The following PTPRD variants were observed in gnomAD, a reference collection of about 807,000 sequenced individuals.
PTPRD encodes the protein protein tyrosine phosphatase receptor type D.
PTPRD carries 34 observed loss-of-function variants against 214.5 expected under a neutral mutation model. That is an observed-to-expected ratio of 0.16 (90% CI 0.12 to 0.21). The LOEUF is 0.21. Among genes scored for constraint, PTPRD ranks in the 10% least tolerant of loss-of-function variants. The pLI, the probability that PTPRD is intolerant of heterozygous loss-of-function variation, is 1.00. For synonymous variants in PTPRD, 1,128 were observed against 845.7 expected, an observed-to-expected ratio of 1.33 and a Z score of -5.79; for missense variants, 2,545 against 2,398.7, an observed-to-expected ratio of 1.06 and a Z score of -1.27.
chr9:9,336,432 C>T (rs2044509911), intron 9 of PTPRD, among the ~76,000 whole-genome samples: 1 of 152,142 alleles, frequency 6.6e-6, no homozygotes. Context: ...CCTGACGTCG[C>T]ACAGTGATCT....
At chr9:8,509,939 A>G (rs28380514) in intron 21 of PTPRD, among the ~76,000 whole-genome samples, 6,159 of 152,078 alleles carry the variant, frequency 0.04, 408 homozygotes, top group African/African-American at 0.14. Context: ...TTCTTTCCTT[A>G]TCCTTCTTTT....
intron 11 of PTPRD, among the ~76,000 whole-genome samples, chr9:8,943,533 TTTC>T (rs2099046056): frequency 2.0e-5 from 3 of 151,496 alleles, no homozygotes; most frequent in Admixed American, 1.3e-4. Flanking sequence ...GAAAGGACAG[TTTC>T]TTCAATAAAT....
At chr9:8,529,112 G>C (rs2075011681) in intron 14 of PTPRD, among the ~76,000 whole-genome samples, 1 of 152,064 alleles carries the variant, frequency 6.6e-6, no homozygotes, top group East Asian at 1.9e-4. Context: ...ATTTAAAGTA[G>C]GCATTTAGGA....
At chr9:10,144,222 T>A (rs1048528351) in intron 3 of PTPRD, among the ~76,000 whole-genome samples, 1 of 152,162 alleles carries the variant, frequency 6.6e-6, no homozygotes, top group Non-Finnish European at 1.5e-5. Context: ...CACAATTAGA[T>A]CAGTGCAGTC....
intron 4 of PTPRD, among the ~76,000 whole-genome samples, chr9:10,025,626 G>A (rs2096908998): frequency 6.6e-6 from 1 of 152,106 alleles, no homozygotes. Flanking sequence ...CAAATACGAT[G>A]CAAATTTTAG....
chr9:10,148,983 A>C (rs1041141804), intron 3 of PTPRD, among the ~76,000 whole-genome samples: 3 of 152,214 alleles, frequency 2.0e-5, no homozygotes, highest in African/African-American at 7.2e-5. Flanking sequence ...ATGTGGTTTC[A>C]GAATAAATTA....
chr9:9,326,396 T>C (rs1389602662), intron 9 of PTPRD, among the ~76,000 whole-genome samples: 1 of 152,124 alleles, frequency 6.6e-6, no homozygotes, highest in Non-Finnish European at 1.5e-5. Flanking sequence ...TATGAAATAT[T>C]TGAAATAAAA....
chr9:9,647,015 A>AT (rs992605002), intron 7 of PTPRD, among the ~76,000 whole-genome samples: 1 of 152,072 alleles, frequency 6.6e-6, no homozygotes, highest in Non-Finnish European at 1.5e-5. Context: ...ACTGGCCTAC[A>AT]TTTTTTACCC....
intron 7 of PTPRD, among the ~76,000 whole-genome samples, chr9:9,684,129 G>A (rs1934269): frequency 0.65 from 97,684 of 151,308 alleles, 31,949 homozygotes; most frequent in Admixed American, 0.71. Context: ...CAAAAAGGCA[G>A]CCTGAACACA....
At chr9:8,691,194 T>C (rs1035723490) in intron 12 of PTPRD, among the ~76,000 whole-genome samples, 2 of 152,158 alleles carry the variant, frequency 1.3e-5, no homozygotes, top group Admixed American at 6.5e-5. Context: ...ACTAACTCAT[T>C]TGATTCGAGA....
At chr9:9,103,974 C>A (rs1489330905) in intron 10 of PTPRD, among the ~76,000 whole-genome samples, 1 of 152,034 alleles carries the variant, frequency 6.6e-6, no homozygotes, top group South Asian at 2.1e-4. Context: ...TAGAGCAAGA[C>A]CCTGTCTCAA....
chr9:9,799,047 T>A (rs575354121), intron 5 of PTPRD, among the ~76,000 whole-genome samples: 41 of 152,300 alleles, frequency 2.7e-4, no homozygotes, highest in African/African-American at 9.4e-4. Flanking sequence ...CTGTTATTAT[T>A]ACGGGAATGA....
chr9:9,261,276 T>A (rs889404114), intron 9 of PTPRD, among the ~76,000 whole-genome samples: 7 of 151,860 alleles, frequency 4.6e-5, no homozygotes, highest in Non-Finnish European at 1.0e-4. Context: ...AGGCTTCATT[T>A]TTTAGAATGT....
intron 24 of PTPRD, among the ~76,000 whole-genome samples, chr9:8,500,050 C>CAAA (rs34424655): frequency 1.3e-4 from 10 of 78,340 alleles, no homozygotes; most frequent in African/African-American, 4.9e-4. Context: ...ATGACCGATG[C>CAAA]AAAAAAAAAA....
At chr9:8,416,700 A>G (rs1405533931) in intron 35 of PTPRD, among the ~76,000 whole-genome samples, 1 of 152,126 alleles carries the variant, frequency 6.6e-6, no homozygotes, top group Non-Finnish European at 1.5e-5. Context: ...CTCTAAACTC[A>G]CCAAAGGATG....
chr9:8,871,531 A>T (rs1388342938), intron 11 of PTPRD, among the ~76,000 whole-genome samples: 1 of 152,158 alleles, frequency 6.6e-6, no homozygotes, highest in African/African-American at 2.4e-5. Flanking sequence ...GCATGTGCTG[A>T]GGAAGAGTTT....
intron 3 of PTPRD, among the ~76,000 whole-genome samples, chr9:10,258,465 A>G (rs1018486776): frequency 1.3e-5 from 2 of 152,208 alleles, no homozygotes; most frequent in Admixed American, 1.3e-4. Context: ...GACTACTAAT[A>G]ATGTGTTTAG....
chr9:9,567,165 G>A (rs1035667746), intron 8 of PTPRD, among the ~76,000 whole-genome samples: 2 of 151,982 alleles, frequency 1.3e-5, no homozygotes, highest in African/African-American at 4.8e-5. Context: ...AAATTTGAAG[G>A]AATGAAGGAA....
intron 7 of PTPRD, among the ~76,000 whole-genome samples, chr9:9,625,704 G>A (rs1329695469): frequency 6.6e-6 from 1 of 152,062 alleles, no homozygotes; most frequent in Admixed American, 6.6e-5. Flanking sequence ...GGTATGGGTC[G>A]CAGCAAGGGA....
Sources: gnomAD v4.1 joint callset for allele counts (sites outside exome capture counted in the v4.1 genomes callset) on GRCh38, gnomAD v4.1.1 for gene constraint, MANE v1.5 for transcripts, NCBI Gene and HGNC (gene_info 2026-07-23, HGNC 2026-07-21) for gene names.